The following PRKCB variants were observed in gnomAD, a reference collection of about 807,000 sequenced individuals.
PRKCB encodes the protein protein kinase C beta type.
In PRKCB, 13 loss-of-function variants were observed where a neutral mutation model predicts 81.5. The observed-to-expected ratio is 0.16, with a 90% confidence interval of 0.10 to 0.25. The LOEUF is 0.25. Ranked by LOEUF, PRKCB falls within the 10% of genes least tolerant of loss-of-function variation. PRKCB has a pLI of 1.00. For missense variants in PRKCB, 509 were observed against 875.7 expected, an observed-to-expected ratio of 0.58 and a Z score of 5.29; for synonymous variants, 335 against 321.4, an observed-to-expected ratio of 1.04 and a Z score of -0.45.
intron 7 of PRKCB, 68 bp from the exon 8 acceptor site, chr16:24,112,905 T>C: frequency 8.8e-7 from 1 of 1,130,546 alleles, no homozygotes; most frequent in South Asian, 1.4e-5. Flanking sequence ...CTCCTTTTCA[T>C]ATGCTGATCA....
chr16:23,972,543 C>T lies in PRKCB; in HGVS notation c.206-15965C>T, dbSNP rs563096654. 5.3e-5 allele frequency among the ~76,000 whole-genome samples: 8 copies of T among 152,202 alleles called. No individual in the cohort carries two copies. In the South Asian group the frequency reaches 8.3e-4, roughly 16 times the overall value. On this transcript the variant is annotated intron_variant, in intron 2 of 16. Transcript: ENST00000643927. ...ATTTTTTCCTGTACTTAGGTTTTCC[C>T]CTTCACTGTCTTATTTAAATAAAAA...
chr16:24,158,089 G>A (rs1215046060), intron 10 of PRKCB, among the ~76,000 whole-genome samples: 3 of 151,988 alleles, frequency 2.0e-5, no homozygotes, highest in Non-Finnish European at 4.4e-5. Context: ...GGATTGTATC[G>A]ATTGAAAGAA....
At chr16:23,911,128 C>CTTTTTTT (rs567904157) in intron 2 of PRKCB, among the ~76,000 whole-genome samples, 1,171 of 31,542 alleles carry the variant, frequency 0.037, 446 homozygotes, top group African/African-American at 0.078. Context: ...CGTATATATG[C>CTTTTTTT]TTTTTTTTTT....
At chr16:23,976,801 G>C (rs1349559048) in intron 2 of PRKCB, among the ~76,000 whole-genome samples, 3 of 152,188 alleles carry the variant, frequency 2.0e-5, no homozygotes, top group Non-Finnish European at 4.4e-5. Context: ...GTCTCCACGT[G>C]CCACCCAAAC....
chr16:23,910,068 C>T (rs1963626941), intron 2 of PRKCB, among the ~76,000 whole-genome samples: 1 of 152,166 alleles, frequency 6.6e-6, no homozygotes, highest in Non-Finnish European at 1.5e-5. Flanking sequence ...TTTTGCCCCT[C>T]TTGTTGAGTT....
At chr16:23,921,556 C>T (rs1963825528) in intron 2 of PRKCB, among the ~76,000 whole-genome samples, 1 of 152,148 alleles carries the variant, frequency 6.6e-6, no homozygotes, top group Non-Finnish European at 1.5e-5. Context: ...AATCCCAGCA[C>T]TTTGGGATTA....
chr16:24,046,247 G>C (rs902098808), intron 5 of PRKCB, among the ~76,000 whole-genome samples: 1 of 152,202 alleles, frequency 6.6e-6, no homozygotes, highest in Non-Finnish European at 1.5e-5. Flanking sequence ...TGATTACAAA[G>C]GTTTTGCATG....
chr16:24,002,925 C>G (rs960567373), intron 3 of PRKCB, among the ~76,000 whole-genome samples: 4 of 152,066 alleles, frequency 2.6e-5, no homozygotes, highest in African/African-American at 9.7e-5. Flanking sequence ...CTGACCTGAC[C>G]TCTGGTTGGA....
At chr16:23,937,300 G>C (rs985624649) in intron 2 of PRKCB, among the ~76,000 whole-genome samples, 1 of 152,198 alleles carries the variant, frequency 6.6e-6, no homozygotes, top group African/African-American at 2.4e-5. Context: ...TAAGGGATTT[G>C]TTGTAGAACA....
intron 8 of PRKCB, 67 bp from the exon 9 acceptor site, chr16:24,123,768 G>A: frequency 6.5e-7 from 1 of 1,547,498 alleles, no homozygotes; most frequent in African/African-American, 1.4e-5. Context: ...CCCATTGTGT[G>A]CCTGTGCCTT....
chr16:23,955,021 T>C lies in PRKCB; in HGVS notation c.206-33487T>C, dbSNP rs148338926. ...CAGTCCTGAAGAGGACTGAAAGGTC[T>C]TGGGATGCAGGGGAGCTTAATGTAT... On this transcript the variant is annotated intron_variant, in intron 2 of 16. Coordinates refer to ENST00000643927, the MANE Select transcript of PRKCB (RefSeq NM_002738.7). Among the ~76,000 whole-genome samples, 98 of 152,294 alleles carry C rather than the reference T, an allele frequency of 6.4e-4. 1 individual carries two copies. Among genetic ancestry groups the C allele is most frequent in the African/African-American group, 2.2e-3 (91 of 41,572 alleles).
At chr16:24,023,445 T>G (rs1020634208) in intron 3 of PRKCB, among the ~76,000 whole-genome samples, 1 of 152,192 alleles carries the variant, frequency 6.6e-6, no homozygotes, top group Non-Finnish European at 1.5e-5. Context: ...CTCGGCTCAC[T>G]GCAAGCTCTG....
chr16:24,088,271 C>T (rs1966332781), intron 5 of PRKCB, among the ~76,000 whole-genome samples: 1 of 152,178 alleles, frequency 6.6e-6, no homozygotes, highest in Non-Finnish European at 1.5e-5. Flanking sequence ...CCAGCAGTCT[C>T]AGGATGCATT....
chr16:24,214,205 A>G (rs114288616), intron 16 of PRKCB, among the ~76,000 whole-genome samples: 1,882 of 152,334 alleles, frequency 0.012, 33 homozygotes, highest in African/African-American at 0.043. Flanking sequence ...GTCTGCTGCT[A>G]TAAATACTGG....
chr16:24,129,283 C>T (rs1289786150), intron 9 of PRKCB, among the ~76,000 whole-genome samples: 6 of 152,028 alleles, frequency 3.9e-5, no homozygotes, highest in Admixed American at 6.6e-5. Flanking sequence ...AGCTAATGTA[C>T]GTGAGTTGAG....
rs963323900 is a variant in PRKCB at position 23,988,518 on chromosome 16, T to C, written c.216T>C (p.Phe72=). 6.8e-6 allele frequency: 11 copies of C among 1,614,122 alleles called. No individual in the cohort carries two copies. Among genetic ancestry groups the C allele is most frequent in the Non-Finnish European group, 9.3e-6 (11 of 1,179,946 alleles). ...TTTTCTCTTTTGCAGTTTGCTGCTTTGTGGTGCACAAGCGGTGCCATGAAT... is the reference window on the plus strand; with the variant it reads ...TTTTCTCTTTTGCAGTTTGCTGCTTCGTGGTGCACAAGCGGTGCCATGAAT... The part of the protein sequence containing the change: ...KQGFQCQVCC[F]VVHKRCHEFV... Residue 72 remains phenylalanine, a synonymous_variant, in exon 3 of 17, where the codon TTT becomes TTC. Coordinates refer to ENST00000643927, the MANE Select transcript of PRKCB (RefSeq NM_002738.7).
intron 2 of PRKCB, among the ~76,000 whole-genome samples, chr16:23,854,886 C>T (rs537665287): frequency 1.3e-5 from 2 of 152,108 alleles, no homozygotes; most frequent in East Asian, 3.9e-4. Flanking sequence ...AAAGGCAGGC[C>T]CCAAATGAGT....
chr16:23,911,826 A>ATTTTT (rs58458568), intron 2 of PRKCB, among the ~76,000 whole-genome samples: 3 of 57,432 alleles, frequency 5.2e-5, no homozygotes, highest in Non-Finnish European at 1.0e-4. Flanking sequence ...CGCGACCCAC[A>ATTTTT]TTTTTTTTTT....
intron 3 of PRKCB, among the ~76,000 whole-genome samples, chr16:24,017,317 A>G (rs1172264568): frequency 1.3e-5 from 2 of 152,240 alleles, no homozygotes; most frequent in East Asian, 1.9e-4. Flanking sequence ...AAGAGTAGAA[A>G]TAAAGGTCTT....
Sources: allele counts gnomAD v4.1 joint callset (sites outside exome capture counted in the v4.1 genomes callset), GRCh38; gene constraint gnomAD v4.1.1; transcripts MANE v1.5; gene names NCBI Gene and HGNC (gene_info 2026-07-23, HGNC 2026-07-21).